Variants in TMEM181 observed in about 807,000 individuals in gnomAD.
The protein encoded by TMEM181 is G protein-coupled receptor 178.
TMEM181 carries 39 observed loss-of-function variants against 71.9 expected under a neutral mutation model. The observed-to-expected ratio is 0.54, with a 90% CI of 0.42 to 0.71. The LOEUF (loss-of-function observed/expected upper bound fraction) is 0.71, where lower values mean the gene tolerates loss of function less well. Among genes scored for constraint, TMEM181 ranks in the 30% least tolerant of loss-of-function variants. The pLI, the probability that TMEM181 is intolerant of heterozygous loss-of-function variation, is 0.00. For synonymous variants in TMEM181, 245 were observed against 228.8 expected (o/e 1.07, Z -0.64); for missense variants, 595 against 583.0 (o/e 1.02, Z -0.21).
chr6:158,594,335 G>A (rs950421170), intron 6 of TMEM181, among the ~76,000 whole-genome samples: 2 of 151,968 alleles, frequency 1.3e-5, no homozygotes, highest in African/African-American at 2.4e-5. Context: ...CTGACCTCTG[G>A]TGATCCGCCT....
intron 1 of TMEM181, among the ~76,000 whole-genome samples, chr6:158,550,592 G>A (rs950322938): frequency 3.3e-5 from 5 of 151,920 alleles, no homozygotes; most frequent in African/African-American, 9.6e-5. Context: ...GGAGGTGGAG[G>A]TTGCAATGAG....
chr6:158,580,597 A>G (rs1316103753), intron 2 of TMEM181, among the ~76,000 whole-genome samples: 1 of 152,202 alleles, frequency 6.6e-6, no homozygotes, highest in Non-Finnish European at 1.5e-5. Flanking sequence ...CAGAATATAT[A>G]AGACAGAGTC....
chr6:158,610,641 A>T (rs752875823), intron 10 of TMEM181: 1 of 310,204 alleles, frequency 3.2e-6, no homozygotes, highest in Non-Finnish European at 6.1e-6. Context: ...GAGAAGTGAA[A>T]TGAGTGAGAA....
chr6:158,578,379 G>A (rs1468152109), intron 2 of TMEM181, among the ~76,000 whole-genome samples: 2 of 152,004 alleles, frequency 1.3e-5, no homozygotes, highest in African/African-American at 2.4e-5. Flanking sequence ...TGTTTTCAAC[G>A]TTATTTGAAA....
intron 1 of TMEM181, among the ~76,000 whole-genome samples, chr6:158,553,305 A>G (rs548476230): frequency 6.6e-5 from 10 of 151,426 alleles, no homozygotes; most frequent in Non-Finnish European, 1.3e-4. Context: ...TTATAAACAC[A>G]TATACCATTT....
rs1055062911 is a variant in TMEM181 at position 158,634,963 on chromosome 6, T to C, written c.*3075T>C. On this transcript the variant is annotated 3_prime_UTR_variant, in exon 17 of 17. Transcript: ENST00000684151. The stretch of plus-strand genomic sequence containing the variant: ...TTTAGTGAAGATGAGACTTAAAACA[T>C]GAAAGTGTATTTGTGTATTTTGAGG... 3.3e-5 allele frequency: 5 copies of C among 151,966 alleles called. No homozygotes were observed. The highest frequency in any genetic ancestry group is 1.3e-4 in the Admixed American group (2 of 15,264). The allele number at this position is 151,966 out of a possible 1,614,324, so 9.4% of individuals were successfully genotyped here.
chr6:158,616,772 T>C (rs921912633), intron 10 of TMEM181, among the ~76,000 whole-genome samples: 2 of 152,252 alleles, frequency 1.3e-5, no homozygotes, highest in Non-Finnish European at 2.9e-5. Context: ...GTTCTGTTTA[T>C]ATGCTGGATT....
intron 11 of TMEM181, 52 bp downstream of exon 11, chr6:158,623,659 A>C (rs1786104026): frequency 7.7e-7 from 1 of 1,297,316 alleles, no homozygotes; most frequent in Non-Finnish European, 1.1e-6. Context: ...CTGTTTTGTA[A>C]AATTACTGAA....
chr6:158,631,914 A>G lies in TMEM181; in HGVS notation c.*26A>G. ...GCCCCGGCCAGCCCAGCGAGGCGACAAGATGCCTGGATGCTTTCCCCGGTG... is the reference window on the plus strand; with the variant it reads ...GCCCCGGCCAGCCCAGCGAGGCGACGAGATGCCTGGATGCTTTCCCCGGTG... On this transcript the variant is annotated 3_prime_UTR_variant, in exon 17 of 17. Coordinates refer to ENST00000684151, the MANE Select transcript of TMEM181 (RefSeq NM_001376852.1). The G allele has an allele frequency of 1.9e-6, 3 of 1,562,366 alleles. No individual in the cohort carries two copies. The highest frequency in any genetic ancestry group is 1.2e-5 in the South Asian group (1 of 85,126).
chr6:158,578,625 G>T (rs868079252), intron 2 of TMEM181, among the ~76,000 whole-genome samples: 1 of 152,138 alleles, frequency 6.6e-6, no homozygotes, highest in Non-Finnish European at 1.5e-5. Flanking sequence ...TGTTAAGCTG[G>T]TATAAATTTA....
At chr6:158,618,650 T>C (rs1225197479) in intron 10 of TMEM181, among the ~76,000 whole-genome samples, 1 of 152,250 alleles carries the variant, frequency 6.6e-6, no homozygotes, top group Non-Finnish European at 1.5e-5. Context: ...TTTCCATGTT[T>C]AGTGCTTCCT....
At chr6:158,587,458 A>G (rs1355296699) in intron 5 of TMEM181, among the ~76,000 whole-genome samples, 3 of 151,858 alleles carry the variant, frequency 2.0e-5, no homozygotes, top group Non-Finnish European at 2.9e-5. Flanking sequence ...AAAAACATGG[A>G]ATTTTTACAT....
Position 158,583,937 on chromosome 6 carries a change from TG to T in TMEM181, c.169-16del. ...AATGAAAAGGTCACATGGATTACTTTGTTTTTTTTTCTTCAGCTAAAGCCAA... is the reference window on the plus strand; with the variant it reads ...AATGAAAAGGTCACATGGATTACTTTTTTTTTTTTCTTCAGCTAAAGCCAA... On this transcript the variant is annotated splice_polypyrimidine_tract_variant and intron_variant, in intron 3 of 16. Coordinates refer to ENST00000684151, the MANE Select transcript of TMEM181 (RefSeq NM_001376852.1). The T allele has an allele frequency of 1.9e-6, 3 of 1,567,632 alleles. No individual in the cohort carries two copies. Among genetic ancestry groups the T allele is most frequent in the Non-Finnish European group, 2.6e-6 (3 of 1,149,092 alleles).
At chr6:158,593,251 A>G (rs1026040054) in intron 6 of TMEM181, among the ~76,000 whole-genome samples, 1 of 152,254 alleles carries the variant, frequency 6.6e-6, no homozygotes, top group African/African-American at 2.4e-5. Flanking sequence ...ATAAGTTAAT[A>G]GGATAGCTAG....
chr6:158,629,470 G>C (rs1786537030), intron 14 of TMEM181, among the ~76,000 whole-genome samples: 3 of 152,148 alleles, frequency 2.0e-5, no homozygotes, highest in Admixed American at 6.5e-5. Flanking sequence ...AGCGCCACCA[G>C]ATGGCTCAGT....
chr6:158,572,971 C>T (rs1782951016), intron 1 of TMEM181, among the ~76,000 whole-genome samples: 1 of 151,862 alleles, frequency 6.6e-6, no homozygotes, highest in Non-Finnish European at 1.5e-5. Flanking sequence ...GTACCTGGAG[C>T]TTCGAGTGGG....
intron 5 of TMEM181, among the ~76,000 whole-genome samples, chr6:158,585,972 A>G (rs4709221): frequency 0.73 from 110,704 of 152,166 alleles, 40,684 homozygotes; most frequent in African/African-American, 0.82. Context: ...CTGCAAGCGT[A>G]TGCTACCAGG....
intron 1 of TMEM181, among the ~76,000 whole-genome samples, chr6:158,537,596 G>A (rs1321098128): frequency 1.3e-5 from 2 of 152,194 alleles, no homozygotes; most frequent in African/African-American, 4.8e-5. Flanking sequence ...GCCAATGGCC[G>A]ATTTACCCAA....
At chr6:158,560,989 C>T (rs138940719) in intron 1 of TMEM181, among the ~76,000 whole-genome samples, 197 of 152,198 alleles carry the variant, frequency 1.3e-3, no homozygotes, top group African/African-American at 4.5e-3. Context: ...GTTAGCGCCG[C>T]GTGGAGTTGC....
Sources: gnomAD v4.1 joint callset for allele counts (sites outside exome capture counted in the v4.1 genomes callset) on GRCh38, gnomAD v4.1.1 for gene constraint, MANE v1.5 for transcripts, NCBI Gene and HGNC (gene_info 2026-07-23, HGNC 2026-07-21) for gene names.